The following HS6ST2 variants were observed in gnomAD, a reference collection of about 807,000 sequenced individuals.
HS6ST2 encodes heparan-sulfate 6-O-sulfotransferase 2.
HS6ST2 carries 17 observed loss-of-function variants against 33.0 expected under a neutral mutation model. The ratio of observed to expected loss-of-function variants is 0.52; its 90% CI spans 0.35 to 0.77. The LOEUF (loss-of-function observed/expected upper bound fraction) is 0.77. Among genes scored for constraint, HS6ST2 ranks in the 30% least tolerant of loss-of-function variants. HS6ST2 has a pLI of 0.01. For synonymous variants in HS6ST2, 248 were observed against 237.1 expected, an observed-to-expected ratio of 1.05 and a Z score of -0.42; for missense variants, 519 against 551.7, an observed-to-expected ratio of 0.94 and a Z score of 0.59.
chrX:132,648,620 C>A (rs915616822), intron 4 of HS6ST2, among the ~76,000 whole-genome samples: 10 of 108,631 alleles, frequency 9.2e-5, no homozygotes, highest in African/African-American at 3.0e-4. Context: ...AGTCTAATTT[C>A]TCTTTTGTAA....
intron 2 of HS6ST2, among the ~76,000 whole-genome samples, chrX:132,877,532 C>T (rs779251939): frequency 9.0e-6 from 1 of 111,352 alleles, no homozygotes; most frequent in Non-Finnish European, 1.9e-5. Flanking sequence ...TTGAGTCCTT[C>T]AGCTCTAACC....
intron 4 of HS6ST2, among the ~76,000 whole-genome samples, chrX:132,668,083 G>C (rs2063823416): frequency 8.9e-6 from 1 of 111,954 alleles, no homozygotes; most frequent in Non-Finnish European, 1.9e-5. Flanking sequence ...GCAGCCAGTA[G>C]ATCTTTCACT....
intron 2 of HS6ST2, among the ~76,000 whole-genome samples, chrX:132,865,164 T>TC (rs1176398767): frequency 1.1e-5 from 1 of 86,967 alleles, no homozygotes; most frequent in African/African-American, 4.3e-5. Flanking sequence ...AGTGTGATGT[T>TC]CCCCTTCCTG....
At chrX:132,859,804 G>T (rs2065893020) in intron 2 of HS6ST2, among the ~76,000 whole-genome samples, 1 of 96,452 alleles carries the variant, frequency 1.0e-5, no homozygotes, top group Admixed American at 1.2e-4. Flanking sequence ...AAGGAAAGAA[G>T]GAAGGAAGTG....
intron 2 of HS6ST2, among the ~76,000 whole-genome samples, chrX:132,868,520 A>T (rs1339858469): frequency 8.9e-6 from 1 of 112,143 alleles, no homozygotes; most frequent in African/African-American, 3.2e-5. Context: ...AACTGACCAC[A>T]TAATTGGAAG....
chrX:132,919,488 C>G (rs1313175840), intron 2 of HS6ST2, among the ~76,000 whole-genome samples: 2 of 111,844 alleles, frequency 1.8e-5, no homozygotes, highest in African/African-American at 6.5e-5. Context: ...TTAATTATTT[C>G]TTGAGATTTA....
intron 2 of HS6ST2, among the ~76,000 whole-genome samples, chrX:132,727,610 G>A (rs1274421003): frequency 9.0e-6 from 1 of 111,109 alleles, no homozygotes; most frequent in Non-Finnish European, 1.9e-5. Context: ...CAGGTGTTTT[G>A]TTTTGTTTTG....
intron 2 of HS6ST2, among the ~76,000 whole-genome samples, chrX:132,816,092 T>C (rs1409133378): frequency 8.9e-6 from 1 of 112,027 alleles, no homozygotes; most frequent in Non-Finnish European, 1.9e-5. Flanking sequence ...TATGAACAGT[T>C]GTACTACAGG....
At chrX:132,758,075 A>G (rs2064774210) in intron 2 of HS6ST2, among the ~76,000 whole-genome samples, 1 of 112,528 alleles carries the variant, frequency 8.9e-6, no homozygotes, top group Non-Finnish European at 1.9e-5. Context: ...TAAAACCCAA[A>G]GATGGGTCTT....
intron 3 of HS6ST2, among the ~76,000 whole-genome samples, chrX:132,675,496 G>A (rs1358434150): frequency 1.8e-5 from 2 of 111,701 alleles, no homozygotes; most frequent in African/African-American, 3.3e-5. Flanking sequence ...TGAAGGCCTC[G>A]TTCCTGGTGC....
intron 4 of HS6ST2, among the ~76,000 whole-genome samples, chrX:132,637,900 AATATTATATATAATATTTTATATAT>A (rs1569476009): frequency 7.0e-4 from 32 of 45,624 alleles, no homozygotes; most frequent in African/African-American, 2.9e-3. Context: ...TTTTATATAT[AATATTATATATAATATTTTATATAT>A]ATATTATATA....
chrX:132,683,292 A>G (rs1021913452), intron 3 of HS6ST2, among the ~76,000 whole-genome samples: 4 of 111,886 alleles, frequency 3.6e-5, no homozygotes, highest in Admixed American at 2.8e-4. Flanking sequence ...GGCTGTGGAG[A>G]ACCAACTGCT....
chrX:132,840,568 T>C (rs2065698943), intron 2 of HS6ST2, among the ~76,000 whole-genome samples: 1 of 111,530 alleles, frequency 9.0e-6, no homozygotes, highest in South Asian at 3.8e-4. Context: ...TTAAATGGAA[T>C]TGGGTGTGTG....
intron 2 of HS6ST2, among the ~76,000 whole-genome samples, chrX:132,739,642 G>T (rs1021562453): frequency 1.9e-5 from 2 of 107,599 alleles, no homozygotes; most frequent in African/African-American, 3.4e-5. Context: ...TTGAACCCAG[G>T]GGGCAGAGGT....
At position 132,934,327 on chromosome X, in the gene HS6ST2, T is replaced by C. The variant is rs187512892; in HGVS notation, c.947+22481A>G. Among the ~76,000 whole-genome samples the C allele has an allele frequency of 5.4e-5, 6 of 111,703 alleles. No individual in the cohort carries two copies. In the East Asian group the frequency reaches 1.7e-3, roughly 31 times the overall value. On this transcript the variant is annotated intron_variant, in intron 2 of 4. Transcript: ENST00000370833. ...ACAGAACCAGTAATGGTACATAAGG[T>C]GGTTTATAAGAAACTCAATAAATAT...
At chrX:132,821,494 G>A (rs1013259516) in intron 2 of HS6ST2, among the ~76,000 whole-genome samples, 6 of 109,969 alleles carry the variant, frequency 5.5e-5, no homozygotes, top group Non-Finnish European at 9.5e-5. Flanking sequence ...TTACAAGCGT[G>A]AGCCACCGCA....
chrX:132,958,293 G>A lies in HS6ST2; in HGVS notation c.310C>T (p.Arg104Cys). ...CGGCAGAGGGAGCCCAGGTCCCAGC[G>A]TCGCCTGAGGACGTGCATCCGCCTG... ...RRRRMHVLRR[R>C]WDLGSLCRAL... The change falls in exon 1 of 5, where the codon CGC (arginine) becomes TGC (cysteine). Residue 104 changes from arginine to cysteine, a missense_variant. Transcript: ENST00000370833. 8.4e-7 allele frequency: 1 copy of A among 1,193,625 alleles called. No individual in the cohort carries two copies. The highest frequency in any genetic ancestry group is 2.2e-5 in the Admixed American group (1 of 45,303).
At chrX:132,717,232 G>C (rs972833918) in intron 2 of HS6ST2, among the ~76,000 whole-genome samples, 1 of 112,951 alleles carries the variant, frequency 8.9e-6, no homozygotes, top group African/African-American at 3.2e-5. Context: ...GGAACCACTG[G>C]ATTTGGTCTG....
intron 2 of HS6ST2, among the ~76,000 whole-genome samples, chrX:132,823,853 A>AAATAATAATAATAATAAT (rs34008866): frequency 0.014 from 1,298 of 92,469 alleles, 21 homozygotes; most frequent in Non-Finnish European, 0.019. Context: ...ACTTCATAAA[A>AAATAATAATAATAATAAT]AATAATAATA....
Sources: allele counts gnomAD v4.1 joint callset (sites outside exome capture counted in the v4.1 genomes callset), GRCh38; gene constraint gnomAD v4.1.1; transcripts MANE v1.5; gene names NCBI Gene and HGNC (gene_info 2026-07-23, HGNC 2026-07-21).